IPP: variants seen among roughly 807,000 people sequenced by gnomAD.
The protein encoded by IPP is intracisternal A particle-promoted polypeptide, also known as actin-binding protein IPP.
IPP carries 41 observed loss-of-function variants against 64.1 expected under a neutral mutation model. That is an observed-to-expected ratio of 0.64 (90% CI 0.50 to 0.83). IPP has a LOEUF of 0.83. Among genes scored for constraint, IPP ranks in the 40% least tolerant of loss-of-function variants. IPP has a pLI of 0.00. For missense variants in IPP, 649 were observed against 703.0 expected (o/e 0.92, Z 0.87); for synonymous variants, 214 against 235.2 (o/e 0.91, Z 0.83).
chr1:45,721,107 C>T (rs1210182619), intron 5 of IPP, among the ~76,000 whole-genome samples: 1 of 152,094 alleles, frequency 6.6e-6, no homozygotes, highest in Non-Finnish European at 1.5e-5. Flanking sequence ...GTCTAGAATC[C>T]TGAATATAAA....
At chr1:45,707,350 G>A (rs1228127054) in intron 8 of IPP, among the ~76,000 whole-genome samples, 1 of 149,794 alleles carries the variant, frequency 6.7e-6, no homozygotes, top group African/African-American at 2.5e-5. Flanking sequence ...GTGAACCTGG[G>A]AGGCGGAGCT....
intron 8 of IPP, among the ~76,000 whole-genome samples, chr1:45,705,801 G>C (rs566857882): frequency 6.9e-5 from 10 of 145,278 alleles, no homozygotes; most frequent in South Asian, 4.7e-4. Flanking sequence ...GTGAGACATC[G>C]TCTCAACAAA....
chr1:45,722,321 C>T (rs1187997155), intron 5 of IPP, among the ~76,000 whole-genome samples: 2 of 151,900 alleles, frequency 1.3e-5, no homozygotes, highest in Non-Finnish European at 2.9e-5. Context: ...GAGGCCAAGG[C>T]GGGTAGATCA....
chr1:45,749,608 C>T (rs1646191773), intron 1 of IPP, among the ~76,000 whole-genome samples: 1 of 149,834 alleles, frequency 6.7e-6, no homozygotes, highest in African/African-American at 2.5e-5. Context: ...GCAAGCTCCG[C>T]CTCCCGGGTT....
chr1:45,729,476 A>G (rs1645876734), intron 4 of IPP, 138 bp downstream of exon 4: 1 of 653,646 alleles, frequency 1.5e-6, no homozygotes, highest in Non-Finnish European at 2.7e-6. Flanking sequence ...ATAAATCTGT[A>G]GTCTGTATGT....
At chr1:45,717,435 G>A (rs1334491490) in intron 6 of IPP, among the ~76,000 whole-genome samples, 6 of 152,014 alleles carry the variant, frequency 3.9e-5, no homozygotes, top group South Asian at 4.2e-4. Context: ...AGAGTATACC[G>A]TGTATTTGGT....
At chr1:45,721,319 T>C (rs1294615716) in intron 5 of IPP, among the ~76,000 whole-genome samples, 1 of 152,248 alleles carries the variant, frequency 6.6e-6, no homozygotes, top group African/African-American at 2.4e-5. Context: ...TGGTTTATGC[T>C]GAACACACGC....
In IPP at chr1:45,726,315, G is replaced by A. The variant is rs1001596129; in HGVS notation, c.1048+1316C>T. Among the ~76,000 whole-genome samples the A allele has an allele frequency of 4.6e-5, 7 of 151,876 alleles. No homozygotes were observed. In the South Asian group the frequency reaches 6.2e-4, roughly 14 times the overall value. On this transcript the variant is annotated intron_variant, in intron 5 of 8. Coordinates refer to ENST00000396478, the MANE Select transcript of IPP (RefSeq NM_005897.3). ...CTCTACTAAAATTACAAAATTAGCC[G>A]GGCGTGGTGGTACATGCCTGTAATC...
At chr1:45,744,716 G>C (rs1471063522) in intron 2 of IPP, among the ~76,000 whole-genome samples, 3 of 151,882 alleles carry the variant, frequency 2.0e-5, no homozygotes, top group Non-Finnish European at 4.4e-5. Flanking sequence ...GCACGTGCCT[G>C]TAGTCCCAGC....
At chr1:45,730,145 A>G (rs1645887812) in intron 3 of IPP, among the ~76,000 whole-genome samples, 2 of 152,174 alleles carry the variant, frequency 1.3e-5, no homozygotes, top group South Asian at 4.1e-4. Flanking sequence ...CCCAGGAGTT[A>G]GAGACCAGCC....
rs1646058550 is a variant in IPP, at chr1:45,741,094, T to C, written c.531A>G (p.Ala177=). The change falls in exon 3 of 9, where the codon GCA becomes GCG. Residue 177 remains alanine (A), a synonymous_variant. Transcript: ENST00000396478. ...LEVHSGEEFL[A]LTKDQLIKIL... ...TTTTGATCAGCTGATCTTTCGTAAG[T>C]GCCAGGAACTCTTCTCCACTATGAA... is the stretch of plus-strand genomic sequence containing the variant. 6.2e-7 allele frequency: 1 copy of C among 1,614,030 alleles called. No individual in the cohort carries two copies. The highest frequency in any genetic ancestry group is 8.5e-7 in the Non-Finnish European group (1 of 1,180,016).
chr1:45,749,496 T>C (rs984554580), intron 1 of IPP, among the ~76,000 whole-genome samples: 7 of 146,896 alleles, frequency 4.8e-5, no homozygotes, highest in Non-Finnish European at 9.0e-5. Flanking sequence ...GATTTTTTGT[T>C]TTTTTTTTTT....
chr1:45,719,720 G>A (rs1645706254), intron 5 of IPP, among the ~76,000 whole-genome samples: 2 of 152,112 alleles, frequency 1.3e-5, no homozygotes, highest in Non-Finnish European at 2.9e-5. Flanking sequence ...ACAACAAACA[G>A]AAAATGAAAT....
chr1:45,725,061 A>G (rs1279939964), intron 5 of IPP, among the ~76,000 whole-genome samples: 16 of 86,270 alleles, frequency 1.9e-4, no homozygotes, highest in African/African-American at 3.2e-4. Flanking sequence ...TCCGGGAGGG[A>G]GGTGGGGGGG....
Position 45,699,949 on chromosome 1 carries a change from CTGTTATGCT to C in IPP, c.*8_*16del, listed in dbSNP as rs1478003588. 1 of 1,613,092 alleles carries C rather than the reference CTGTTATGCT, an allele frequency of 6.2e-7. No individual in the cohort carries two copies. Among genetic ancestry groups the C allele is most frequent in the African/African-American group, 1.3e-5 (1 of 75,014 alleles). On this transcript the variant is annotated 3_prime_UTR_variant, in exon 9 of 9. Coordinates refer to ENST00000396478, the MANE Select transcript of IPP (RefSeq NM_005897.3). ...GCATTTTCAAAATGTTCCTTGTGCTCTGTTATGCTTTATATTTCATAGCACAGCAACGCC... is the reference window on the plus strand; with the variant it reads ...GCATTTTCAAAATGTTCCTTGTGCTCTTATATTTCATAGCACAGCAACGCC...
chr1:45,736,858 T>G (rs1242717572), intron 3 of IPP, among the ~76,000 whole-genome samples: 1 of 151,366 alleles, frequency 6.6e-6, no homozygotes, highest in Non-Finnish European at 1.5e-5. Context: ...GCTAACATGG[T>G]GAAACCCCGT....
intron 1 of IPP, 127 bp downstream of exon 1, chr1:45,750,470 G>A (rs1477538108): frequency 6.5e-6 from 1 of 152,874 alleles, no homozygotes; most frequent in Non-Finnish European, 1.5e-5. Context: ...CAGAAGGAAA[G>A]ACAAGGAAAT....
At chr1:45,727,546 A>T in intron 5 of IPP, 85 bp downstream of exon 5, 1 of 681,872 alleles carries the variant, frequency 1.5e-6, no homozygotes, top group Non-Finnish European at 2.2e-6. Context: ...ATATATGTAT[A>T]TCACATAGCA....
chr1:45,720,037 T>A (rs1372788975), intron 5 of IPP, among the ~76,000 whole-genome samples: 1 of 151,934 alleles, frequency 6.6e-6, no homozygotes, highest in South Asian at 2.1e-4. Context: ...ATGAAAAAAT[T>A]TTAAAAAGAT....
Sources: allele counts gnomAD v4.1 joint callset (sites outside exome capture counted in the v4.1 genomes callset), GRCh38; gene constraint gnomAD v4.1.1; transcripts MANE v1.5; gene names NCBI Gene and HGNC (gene_info 2026-07-23, HGNC 2026-07-21).